GPCPD1: variants seen among roughly 807,000 people sequenced by gnomAD.
The protein encoded by GPCPD1 is glycerophosphocholine phosphodiesterase GPCPD1.
A neutral mutation model predicts 89.2 loss-of-function variants in GPCPD1; 29 were observed. The observed-to-expected ratio is 0.33, with a 90% confidence interval of 0.24 to 0.44. The LOEUF is 0.44. Among genes scored for constraint, GPCPD1 ranks in the 20% least tolerant of loss-of-function variants. The probability of loss-of-function intolerance (pLI) is 1.00; values close to 1 mark genes in which losing one functional copy is unlikely to be tolerated. For missense variants in GPCPD1, 594 were observed against 808.9 expected, an observed-to-expected ratio of 0.73 and a Z score of 3.22; for synonymous variants, 258 against 266.3, an observed-to-expected ratio of 0.97 and a Z score of 0.30.
chr20:5,594,874 G>A (rs1215810535), intron 3 of GPCPD1, among the ~76,000 whole-genome samples: 1 of 152,170 alleles, frequency 6.6e-6, no homozygotes, highest in Non-Finnish European at 1.5e-5. Context: ...AACAACATGT[G>A]CTTACTTCGT....
intron 10 of GPCPD1, among the ~76,000 whole-genome samples, chr20:5,574,691 A>G (rs1978285567): frequency 2.0e-5 from 3 of 152,280 alleles, no homozygotes; most frequent in Admixed American, 2.0e-4. Context: ...TGAGCCAAGA[A>G]TGTGCCACTG....
At chr20:5,596,716 G>A (rs1057290608) in intron 3 of GPCPD1, among the ~76,000 whole-genome samples, 9 of 152,250 alleles carry the variant, frequency 5.9e-5, no homozygotes, top group African/African-American at 1.9e-4. Flanking sequence ...AGCTTAAGAC[G>A]CTCCCTGAAA....
At chr20:5,589,542 G>T (rs150933102) in intron 4 of GPCPD1, among the ~76,000 whole-genome samples, 19 of 152,106 alleles carry the variant, frequency 1.2e-4, no homozygotes, top group African/African-American at 4.6e-4. Flanking sequence ...AACCTGGGAG[G>T]CGGAGGTTGC....
At chr20:5,578,316 C>T (rs1978304954) in intron 8 of GPCPD1, 64 bp downstream of exon 8, 2 of 1,005,140 alleles carry the variant, frequency 2.0e-6, no homozygotes, top group Non-Finnish European at 1.6e-6. Context: ...AAAATCAAAA[C>T]CAACGTTAAA....
chr20:5,558,796 T>C lies in GPCPD1; in HGVS notation c.1556A>G (p.Tyr519Cys). ...CTMVRQKQNKYPILFLTQGKS... is the reference protein window; with the variant it reads ...CTMVRQKQNKCPILFLTQGKS... Reference sequence around the variant, plus strand: ...TCCTTGAGTTAAAAATAGTATCGGATATTTGTTCTGCTTTTGCCGAACCCT... The same window carrying C: ...TCCTTGAGTTAAAAATAGTATCGGACATTTGTTCTGCTTTTGCCGAACCCT... Residue 519 changes from tyrosine to cysteine, a missense_variant, in exon 18 of 20, where the codon TAT becomes TGT. Physicochemically the swap from Tyr to Cys is radical, Grantham distance 194 (BLOSUM62 -2). Coordinates refer to ENST00000379019, the MANE Select transcript of GPCPD1 (RefSeq NM_019593.5). 1 of 1,575,570 alleles carries C rather than the reference T, an allele frequency of 6.3e-7. No homozygotes were observed. The highest frequency in any genetic ancestry group is 1.2e-5 in the South Asian group (1 of 86,014).
chr20:5,578,741 T>C lies in GPCPD1; in HGVS notation c.474-130A>G, dbSNP rs1173051722. The C allele has an allele frequency of 3.1e-6, 2 of 636,270 alleles. 1 individual carries two copies. Among genetic ancestry groups the C allele is most frequent in the Admixed American group, 5.2e-5 (2 of 38,724 alleles). The allele number at this position is 636,270 out of a possible 1,614,324, so 39.4% of individuals were successfully genotyped here. On this transcript the variant is annotated intron_variant, in intron 7 of 19. Coordinates refer to ENST00000379019, the MANE Select transcript of GPCPD1 (RefSeq NM_019593.5). ...ATCTTCGAATAACAAAAATAATGTATTATGCAAAGATTACACATACTACAG... is the reference window on the plus strand; with the variant it reads ...ATCTTCGAATAACAAAAATAATGTACTATGCAAAGATTACACATACTACAG...
intron 19 of GPCPD1, among the ~76,000 whole-genome samples, chr20:5,554,922 A>T (rs1004326079): frequency 6.6e-6 from 1 of 152,232 alleles, no homozygotes; most frequent in Non-Finnish European, 1.5e-5. Flanking sequence ...GAAGAAGCTG[A>T]TATCAATCCT....
chr20:5,585,606 A>T (rs936559273), intron 5 of GPCPD1: 1 of 147,224 alleles, frequency 6.8e-6, no homozygotes, highest in Non-Finnish European at 1.5e-5. Flanking sequence ...TTAAAAGAAA[A>T]CAACTTACAA....
rs536212836 is a variant in GPCPD1 at position 5,579,376 on chromosome 20, G to A, written c.473+632C>T. Among the ~76,000 whole-genome samples the A allele has an allele frequency of 1.6e-4, 24 of 151,794 alleles. No individual in the cohort carries two copies. In the South Asian group the frequency reaches 4.8e-3, roughly 30 times the overall value. On this transcript the variant is annotated intron_variant, in intron 7 of 19. Coordinates refer to ENST00000379019, the MANE Select transcript of GPCPD1 (RefSeq NM_019593.5). Reference sequence around the variant, plus strand: ...TTATATCAATTTTTTCTTTTTTTGAGACAGAGTCTCGCTCTGCCTGGAATG... The same window carrying A: ...TTATATCAATTTTTTCTTTTTTTGAAACAGAGTCTCGCTCTGCCTGGAATG...
intron 6 of GPCPD1, among the ~76,000 whole-genome samples, chr20:5,580,636 G>A (rs542052010): frequency 1.3e-5 from 2 of 150,370 alleles, no homozygotes; most frequent in South Asian, 2.1e-4. Flanking sequence ...TGAGGCAGGA[G>A]AATGGCGTGA....
rs141293903 is a variant in GPCPD1, at chr20:5,604,325, T to C, written c.49+39A>G. 7.8e-5 allele frequency: 79 copies of C among 1,013,112 alleles called. No individual in the cohort carries two copies. In the East Asian group the frequency reaches 1.8e-3, roughly 24 times the overall value. 62.8% of individuals were successfully genotyped at this position (1,013,112 alleles called of 1,614,324 possible). A position where few individuals can be genotyped will look rare whatever the true frequency, so the allele number is the denominator to read the frequency against. On this transcript the variant is annotated intron_variant, in intron 2 of 19. Transcript: ENST00000379019. ...GTAATCCAGATAAGAAACATGCTAA[T>C]TTAATTTTAATTGTTTTAAAGTAAA... is the stretch of plus-strand genomic sequence containing the variant.
intron 6 of GPCPD1, 97 bp from the exon 7 acceptor site, chr20:5,580,228 AC>A: frequency 1.7e-6 from 1 of 604,738 alleles, no homozygotes. Context: ...GTTCACATTC[AC>A]TTTTTTTTTT....
At chr20:5,584,210 A>G (rs749448920) in intron 6 of GPCPD1, 71 bp downstream of exon 6, 11 of 780,192 alleles carry the variant, frequency 1.4e-5, no homozygotes, top group Non-Finnish European at 2.2e-5. Flanking sequence ...TGTGCTATAT[A>G]ACTCCAGTGA....
intron 14 of GPCPD1, among the ~76,000 whole-genome samples, chr20:5,565,482 G>C (rs572443221): frequency 1.3e-5 from 2 of 152,120 alleles, no homozygotes; most frequent in South Asian, 4.2e-4. Context: ...TCCCAACTTG[G>C]CTTCCAAAAC....
intron 6 of GPCPD1, 115 bp downstream of exon 6, chr20:5,584,166 G>A (rs891463260): frequency 2.3e-5 from 13 of 562,084 alleles, no homozygotes; most frequent in East Asian, 1.2e-4. Context: ...CCAAAATATC[G>A]TTATGCAGCA....
chr20:5,587,487 C>T (rs1020646367), intron 4 of GPCPD1, among the ~76,000 whole-genome samples: 2 of 152,046 alleles, frequency 1.3e-5, no homozygotes, highest in Admixed American at 1.3e-4. Flanking sequence ...CCTGCCTCGG[C>T]CTCCTGAGTA....
chr20:5,558,561 A>G, intron 18 of GPCPD1, 123 bp downstream of exon 18: 1 of 578,896 alleles, frequency 1.7e-6, no homozygotes, highest in Admixed American at 4.0e-5. Flanking sequence ...AAGTAGAGCC[A>G]CTTGTTTGCT....
Position 5,547,738 on chromosome 20 carries a change from A to T in GPCPD1, c.1942T>A (p.Phe648Ile). ...KSCLCPTVSR[F>I]VPSSLCGESD... The stretch of plus-strand genomic sequence containing the variant: ...TCCCCACACAAAGATGAGGGAACAA[A>T]GCGGCTAACAGTGGGACACAAACAG... Residue 648 changes from phenylalanine (F) to isoleucine (I), a missense_variant, in exon 20 of 20, where the codon TTT becomes ATT. By Grantham distance (21) the Phe-to-Ile change is conservative. Transcript: ENST00000379019. 1 of 1,611,080 alleles carries T rather than the reference A, an allele frequency of 6.2e-7. No homozygotes were observed. The highest frequency in any genetic ancestry group is 8.5e-7 in the Non-Finnish European group (1 of 1,177,288).
chr20:5,584,291 A>C lies in GPCPD1; in HGVS notation c.339T>G (p.Phe113Leu), dbSNP rs1263077974. ...ESEIIIDDGQ[F>L]GIHNGVETLD... Reference sequence around the variant, plus strand: ...GTCAGTCTCACTTACTGTGGATTCCAAATTGTCCATCGTCAATAATAATTT... The same window carrying C: ...GTCAGTCTCACTTACTGTGGATTCCCAATTGTCCATCGTCAATAATAATTT... The change falls in exon 6 of 20, where the codon TTT (phenylalanine) becomes TTG (leucine). Residue 113 changes from phenylalanine (F) to leucine (L), a missense_variant. Physicochemically the swap from Phe to Leu is conservative, Grantham distance 22 (BLOSUM62 0). Transcript: ENST00000379019. 7.0e-7 allele frequency: 1 copy of C among 1,426,256 alleles called. No homozygotes were observed. The highest frequency in any genetic ancestry group is 9.9e-7 in the Non-Finnish European group (1 of 1,014,408). 88.4% of individuals were successfully genotyped at this position (1,426,256 alleles called of 1,614,324 possible).
Sources: gnomAD v4.1 joint callset for allele counts (sites outside exome capture counted in the v4.1 genomes callset) on GRCh38, gnomAD v4.1.1 for gene constraint, MANE v1.5 for transcripts, NCBI Gene and HGNC (gene_info 2026-07-23, HGNC 2026-07-21) for gene names.